The following SPATA31H1 variants were observed in gnomAD, a reference collection of about 807,000 sequenced individuals.
SPATA31H1 encodes spermatogenesis-associated protein 31H1.
At chr2:27,575,445 C>T in the SPATA31H1 span, 4 of 398,522 alleles carry the variant, frequency 1.0e-5, no homozygotes, top group Non-Finnish European at 1.8e-5. This position sits in a 1 kb window ranked among gnomAD's most constrained non-coding sequence, Gnocchi z 4.1. Context: ...TCTTCAGCAA[C>T]AGTTGCAAGG....
the SPATA31H1 span, chr2:27,579,749 G>C: frequency 6.2e-7 from 1 of 1,614,134 alleles, no homozygotes; most frequent in Non-Finnish European, 8.5e-7. Context: ...CCCAGACAAG[G>C]ATTTCTGAGT....
chr2:27,543,378 A>G, the SPATA31H1 span, among the ~76,000 whole-genome samples: 29 of 152,078 alleles, frequency 1.9e-4, no homozygotes, highest in Non-Finnish European at 2.9e-5. Context: ...GTTTAAGAGT[A>G]AAAGACAAAT....
the SPATA31H1 span, chr2:27,566,100 T>C: frequency 1.4e-6 from 1 of 717,518 alleles, no homozygotes. Flanking sequence ...CCTGACATGG[T>C]GAGTAAAGCC....
the SPATA31H1 span, chr2:27,582,191 T>C: frequency 6.2e-7 from 1 of 1,613,474 alleles, no homozygotes; most frequent in Non-Finnish European, 8.5e-7. Context: ...ACAGTTCCTC[T>C]GGGAAAACCT....
chr2:27,540,605 G>A, the SPATA31H1 span, among the ~76,000 whole-genome samples: 2 of 142,996 alleles, frequency 1.4e-5, no homozygotes, highest in African/African-American at 2.7e-5. Context: ...GGTGGCTGCC[G>A]GACGGAGGGG....
the SPATA31H1 span, among the ~76,000 whole-genome samples, chr2:27,564,316 G>C: frequency 0.034 from 5,232 of 151,980 alleles, 284 homozygotes; most frequent in African/African-American, 0.12. Flanking sequence ...TTTTTCCCAG[G>C]GTCTCCATTC....
At chr2:27,576,854 A>C in the SPATA31H1 span, 1 of 1,614,142 alleles carries the variant, frequency 6.2e-7, no homozygotes, top group Non-Finnish European at 8.5e-7. Context: ...TGGAATTAGC[A>C]CCAGGGTCAC....
the SPATA31H1 span, among the ~76,000 whole-genome samples, chr2:27,548,086 A>G: frequency 1.4e-5 from 2 of 142,704 alleles, no homozygotes; most frequent in African/African-American, 5.3e-5. Context: ...GGTTCACGCC[A>G]TTCTCCTGCC....
the SPATA31H1 span, among the ~76,000 whole-genome samples, chr2:27,545,457 A>C: frequency 6.6e-6 from 1 of 151,994 alleles, no homozygotes; most frequent in Non-Finnish European, 1.5e-5. Context: ...CATGTGGTAT[A>C]TATGTTTAAT....
chr2:27,580,619 C>A, the SPATA31H1 span: 2 of 1,614,182 alleles, frequency 1.2e-6, no homozygotes, highest in South Asian at 2.2e-5. Context: ...AACCCAAGTT[C>A]ATGCAACTGC....
At chr2:27,551,491 GGAGA>G in the SPATA31H1 span, among the ~76,000 whole-genome samples, 2 of 152,008 alleles carry the variant, frequency 1.3e-5, no homozygotes, top group Non-Finnish European at 2.9e-5. Flanking sequence ...AAAGAGACAG[GGAGA>G]GAGAGATTTT....
chr2:27,561,502 AT>A, the SPATA31H1 span, among the ~76,000 whole-genome samples: 1 of 152,066 alleles, frequency 6.6e-6, no homozygotes, highest in Non-Finnish European at 1.5e-5. Flanking sequence ...TTTTTCAGCA[AT>A]TATGCCTATG....
At chr2:27,573,357 C>G in the SPATA31H1 span, 1 of 396,956 alleles carries the variant, frequency 2.5e-6, no homozygotes, top group Admixed American at 4.4e-5. Flanking sequence ...GCAGTGGATA[C>G]CAGGACCTGA....
chr2:27,581,643 G>A, the SPATA31H1 span: 1 of 1,612,486 alleles, frequency 6.2e-7, no homozygotes, highest in African/African-American at 1.3e-5. Flanking sequence ...CAGTCCCTCT[G>A]AGAGAAGACA....
At chr2:27,577,674 T>A in the SPATA31H1 span, 1 of 1,614,016 alleles carries the variant, frequency 6.2e-7, no homozygotes, top group East Asian at 2.2e-5. The surrounding 1 kb of genome is among the most constrained non-coding windows in gnomAD (Gnocchi z 4.5). Flanking sequence ...GACTTCTAAG[T>A]CAGGAGTGCA....
the SPATA31H1 span, chr2:27,580,001 T>A: frequency 1.9e-6 from 3 of 1,614,152 alleles, no homozygotes; most frequent in East Asian, 6.7e-5. Flanking sequence ...CGGGGCCTTA[T>A]CTTCTTATCT....
chr2:27,578,059 C>G, the SPATA31H1 span: 1 of 1,614,116 alleles, frequency 6.2e-7, no homozygotes, highest in Non-Finnish European at 8.5e-7. Context: ...CTTCAAGTTG[C>G]TCAATCTGAA....
the SPATA31H1 span, among the ~76,000 whole-genome samples, chr2:27,554,675 G>C: frequency 1.3e-5 from 2 of 152,098 alleles, no homozygotes; most frequent in African/African-American, 4.8e-5. Flanking sequence ...CTGGGTTCAA[G>C]CAATTCTTGT....
the SPATA31H1 span, chr2:27,565,953 G>T: frequency 1.4e-6 from 1 of 706,932 alleles, no homozygotes; most frequent in South Asian, 1.5e-5. Context: ...CTTCATCTTT[G>T]TTTCCTTATT....
Sources: allele counts gnomAD v4.1 joint callset (sites outside exome capture counted in the v4.1 genomes callset), GRCh38; gene constraint gnomAD v4.1.1; non-coding constraint Gnocchi (gnomAD v3.1); transcripts MANE v1.5; gene names NCBI Gene and HGNC (gene_info 2026-07-23, HGNC 2026-07-21).